CATSPERB: variants seen among roughly 807,000 people sequenced by gnomAD.
CATSPERB encodes the protein catsper channel auxiliary subunit beta, also known as cation channel sperm-associated auxiliary subunit beta.
A neutral mutation model predicts 128.3 loss-of-function variants in CATSPERB; 93 were observed. That is an observed-to-expected ratio of 0.72 (90% CI 0.61 to 0.86). CATSPERB has a LOEUF of 0.86. Ranked by LOEUF, CATSPERB falls within the 40% of genes least tolerant of loss-of-function variation. The pLI, the probability that CATSPERB is intolerant of heterozygous loss-of-function variation, is 0.00. For synonymous variants in CATSPERB, 381 were observed against 448.8 expected (o/e 0.85, Z 1.91); for missense variants, 1,153 against 1,329.5 (o/e 0.87, Z 2.06).
At chr14:91,619,713 G>T (rs924221536) in intron 19 of CATSPERB, among the ~76,000 whole-genome samples, 3 of 151,918 alleles carry the variant, frequency 2.0e-5, no homozygotes, top group African/African-American at 7.3e-5. Flanking sequence ...CTCTGTTATG[G>T]TGGGTCATTT....
chr14:91,723,220 T>A, intron 3 of CATSPERB, 31 bp from the exon 4 acceptor site: 2 of 1,413,656 alleles, frequency 1.4e-6, no homozygotes, highest in Non-Finnish European at 1.9e-6. Flanking sequence ...AAAAAACAAC[T>A]AATAACCACT....
intron 24 of CATSPERB, among the ~76,000 whole-genome samples, chr14:91,588,281 T>A (rs1173777704): frequency 6.6e-6 from 1 of 152,114 alleles, no homozygotes; most frequent in Non-Finnish European, 1.5e-5. Context: ...TCCCATACTT[T>A]TAGTTCTGCT....
chr14:91,612,164 A>T (rs1342260031), intron 20 of CATSPERB, among the ~76,000 whole-genome samples: 1 of 151,844 alleles, frequency 6.6e-6, no homozygotes, highest in African/African-American at 2.4e-5. Context: ...GGCTCAAGCG[A>T]TCCTCTCACC....
At chr14:91,705,100 A>G (rs1895713541) in intron 6 of CATSPERB, among the ~76,000 whole-genome samples, 1 of 152,216 alleles carries the variant, frequency 6.6e-6, no homozygotes, top group Non-Finnish European at 1.5e-5. Flanking sequence ...AAATAGCAGT[A>G]GATATATAAA....
At chr14:91,588,454 T>C (rs1352093799) in intron 24 of CATSPERB, among the ~76,000 whole-genome samples, 1 of 152,152 alleles carries the variant, frequency 6.6e-6, no homozygotes, top group Non-Finnish European at 1.5e-5. Context: ...TTCGTGTTTT[T>C]GGCAGTAAGG....
rs113718259 is a variant in CATSPERB at position 91,726,120 on chromosome 14, C to A, written c.80-952G>T. Reference sequence around the variant, plus strand: ...AGACACCTCAGGCCATTCAGTAAAACCCCTGCATTCATCCTTCAAGTCCAT... The same window carrying A: ...AGACACCTCAGGCCATTCAGTAAAAACCCTGCATTCATCCTTCAAGTCCAT... On this transcript the variant is annotated intron_variant, in intron 2 of 26. Coordinates refer to ENST00000256343, the MANE Select transcript of CATSPERB (RefSeq NM_024764.4). Among the ~76,000 whole-genome samples the A allele has an allele frequency of 4.8e-3, 736 of 152,312 alleles. 6 individuals are homozygous for A. Among genetic ancestry groups the A allele is most frequent in the African/African-American group, 0.017 (695 of 41,558 alleles).
chr14:91,593,707 T>C (rs779261904), intron 22 of CATSPERB, among the ~76,000 whole-genome samples: 2 of 152,204 alleles, frequency 1.3e-5, no homozygotes, highest in Non-Finnish European at 2.9e-5. Flanking sequence ...ACTTTTGGGT[T>C]AATGCTGAAA....
chr14:91,684,988 A>G (rs1415681403), intron 10 of CATSPERB, among the ~76,000 whole-genome samples: 5 of 152,024 alleles, frequency 3.3e-5, no homozygotes, highest in Non-Finnish European at 5.9e-5. Flanking sequence ...GTGCAGTGGC[A>G]TGATCGTAGC....
intron 17 of CATSPERB, among the ~76,000 whole-genome samples, chr14:91,633,974 AAAC>A (rs1375466877): frequency 1.1e-4 from 17 of 152,098 alleles, no homozygotes; most frequent in African/African-American, 4.1e-4. Flanking sequence ...ATTAAGGAAA[AAAC>A]AAAAAAAATT....
intron 22 of CATSPERB, 162 bp from the exon 23 acceptor site, chr14:91,592,164 G>C: frequency 1.6e-6 from 1 of 625,120 alleles, no homozygotes; most frequent in Non-Finnish European, 2.8e-6. Context: ...TAGAAGTACA[G>C]TATTTCTGAA....
At chr14:91,616,543 C>T (rs1393659877) in intron 20 of CATSPERB, among the ~76,000 whole-genome samples, 2 of 151,988 alleles carry the variant, frequency 1.3e-5, no homozygotes, top group Admixed American at 6.6e-5. Flanking sequence ...GATATTTCTT[C>T]CTCTTAGATG....
intron 20 of CATSPERB, among the ~76,000 whole-genome samples, chr14:91,616,094 T>C (rs1893931251): frequency 6.6e-6 from 1 of 152,184 alleles, no homozygotes; most frequent in Non-Finnish European, 1.5e-5. Context: ...TTAGCCAGGA[T>C]GGTCTTGATC....
intron 4 of CATSPERB, among the ~76,000 whole-genome samples, chr14:91,721,775 G>A (rs1013743830): frequency 1.3e-5 from 2 of 151,624 alleles, no homozygotes; most frequent in East Asian, 1.9e-4. Flanking sequence ...GCGTGAACCC[G>A]GGAGGCAGAG....
chr14:91,672,789 CTTGAAAATAACTT>C, intron 13 of CATSPERB, 65 bp downstream of exon 13: 1 of 1,205,424 alleles, frequency 8.3e-7, no homozygotes, highest in East Asian at 2.7e-5. Context: ...ATAACAAGAA[CTTGAAAATAACTT>C]TTGCTAAGGT....
intron 3 of CATSPERB, among the ~76,000 whole-genome samples, chr14:91,723,900 A>G (rs1896075502): frequency 6.6e-6 from 1 of 152,166 alleles, no homozygotes; most frequent in South Asian, 2.1e-4. Flanking sequence ...TAGAGAATGA[A>G]GGAAAAGATA....
intron 25 of CATSPERB, 41 bp downstream of exon 25, chr14:91,587,937 A>G (rs539929563): frequency 1.6e-5 from 20 of 1,263,824 alleles, no homozygotes; most frequent in South Asian, 2.5e-5. Flanking sequence ...TACATGTTTT[A>G]TCTAAACTCA....
chr14:91,665,952 T>G (rs1458866410), intron 14 of CATSPERB, among the ~76,000 whole-genome samples: 2 of 152,066 alleles, frequency 1.3e-5, no homozygotes, highest in South Asian at 2.1e-4. Flanking sequence ...AATCCCCAGG[T>G]GTTGAGGAAG....
intron 7 of CATSPERB, among the ~76,000 whole-genome samples, chr14:91,698,220 T>C (rs552938459): frequency 4.6e-5 from 7 of 152,298 alleles, no homozygotes; most frequent in South Asian, 2.1e-4. Context: ...TTTTTCTACA[T>C]TGATTTTTGT....
At chr14:91,591,832 A>G in intron 23 of CATSPERB, 60 bp downstream of exon 23, 1 of 1,163,230 alleles carries the variant, frequency 8.6e-7, no homozygotes, top group Non-Finnish European at 1.3e-6. Flanking sequence ...CTAAAGGCAC[A>G]TTTCAAAATC....
Sources: gnomAD v4.1 joint callset for allele counts (sites outside exome capture counted in the v4.1 genomes callset) on GRCh38, gnomAD v4.1.1 for gene constraint, MANE v1.5 for transcripts, NCBI Gene and HGNC (gene_info 2026-07-23, HGNC 2026-07-21) for gene names.